The following RPGRIP1L variants were observed in gnomAD, a reference collection of about 807,000 sequenced individuals.
The protein encoded by RPGRIP1L is RPGRIP1 like.
A neutral mutation model predicts 160.4 loss-of-function variants in RPGRIP1L; 131 were observed. That is an observed-to-expected ratio of 0.82 (90% confidence interval 0.71 to 0.94). RPGRIP1L has a LOEUF of 0.94. RPGRIP1L is among the 40% of genes least tolerant of loss of function. The pLI is 0.00. For missense variants in RPGRIP1L, 1,522 were observed against 1,535.8 expected, an observed-to-expected ratio of 0.99 and a Z score of 0.15; for synonymous variants, 510 against 515.8, an observed-to-expected ratio of 0.99 and a Z score of 0.15.
chr16:53,604,608 A>G (rs1963559902), intron 26 of RPGRIP1L, among the ~76,000 whole-genome samples: 1 of 152,248 alleles, frequency 6.6e-6, no homozygotes, highest in Non-Finnish European at 1.5e-5. Flanking sequence ...TTAAAAATCC[A>G]GGACAGCACA....
intron 2 of RPGRIP1L, among the ~76,000 whole-genome samples, chr16:53,698,330 C>T (rs571020113): frequency 2.5e-3 from 307 of 121,572 alleles, no homozygotes; most frequent in Non-Finnish European, 3.5e-3. Flanking sequence ...GGGGGTCAGC[C>T]CCCCGCCCGG....
rs746197640 is a variant in RPGRIP1L, at chr16:53,645,944, G to A, written c.2364C>T (p.Asn788=). The A allele has an allele frequency of 5.4e-5, 87 of 1,613,990 alleles. No individual in the cohort carries two copies. Among genetic ancestry groups the A allele is most frequent in the Non-Finnish European group, 5.8e-5 (69 of 1,179,998 alleles). Residue 788 remains asparagine, a synonymous_variant, in exon 17 of 27, where the codon AAC becomes AAT. Coordinates refer to ENST00000647211, the MANE Select transcript of RPGRIP1L (RefSeq NM_015272.5). ...TTATTGTAATGTGAAGTTCATTTAA[G>A]TTGCCATCTGTGGAATCTGTAGAAC... ...QLSSTDSTDG[N]LNELHITIRC...
intron 15 of RPGRIP1L, among the ~76,000 whole-genome samples, chr16:53,650,961 T>C (rs1053095982): frequency 1.3e-5 from 2 of 152,204 alleles, no homozygotes; most frequent in Non-Finnish European, 1.5e-5. Flanking sequence ...ATTTTATCTA[T>C]GCTCATGGCT....
chr16:53,698,144 A>G (rs1432950193), intron 2 of RPGRIP1L, among the ~76,000 whole-genome samples: 6 of 148,126 alleles, frequency 4.1e-5, no homozygotes, highest in African/African-American at 1.5e-4. Flanking sequence ...CCGTCTGAGA[A>G]GTGAGGAGCC....
intron 15 of RPGRIP1L, 70 bp from the exon 16 acceptor site, chr16:53,649,185 T>A: frequency 7.9e-7 from 1 of 1,270,438 alleles, no homozygotes; most frequent in Non-Finnish European, 1.1e-6. Flanking sequence ...TAAAAATACA[T>A]CAATGGCATT....
Position 53,602,081 on chromosome 16 carries a change from C to G in RPGRIP1L, c.3943G>C (p.Ala1315Pro), listed in dbSNP as rs779866112. The G allele has an allele frequency of 6.2e-7, 1 of 1,600,868 alleles. No homozygotes were observed. Among genetic ancestry groups the G allele is most frequent in the Non-Finnish European group, 8.6e-7 (1 of 1,168,406 alleles). The change falls in exon 27 of 27, where the codon GCT (alanine) becomes CCT (proline). Residue 1315 changes from alanine (A) to proline (P), a missense_variant. Ala to Pro is a conservative substitution (Grantham distance 27). Coordinates refer to ENST00000647211, the MANE Select transcript of RPGRIP1L (RefSeq NM_015272.5). The stretch of plus-strand genomic sequence containing the variant: ...TGCCTCTGGAGCATTTGCTTTCAAG[C>G]CTCCAAGTCATCTCTGTATTGCTTG... Reference protein sequence around the residue: ...VYKQYRDDLEA With the variant: ...VYKQYRDDLEP
intron 6 of RPGRIP1L, among the ~76,000 whole-genome samples, chr16:53,676,642 A>AT (rs202116292): frequency 6.6e-5 from 10 of 150,610 alleles, no homozygotes; most frequent in South Asian, 2.1e-4. Flanking sequence ...TTATTTATTT[A>AT]TTTTTTTTTG....
chr16:53,653,628 T>C (rs1014914523), intron 14 of RPGRIP1L: 1 of 152,378 alleles, frequency 6.6e-6, no homozygotes, highest in African/African-American at 2.4e-5. Context: ...CAATCTCCCA[T>C]TAGTGAACTC....
chr16:53,660,891 TAA>T (rs534819342), intron 10 of RPGRIP1L, among the ~76,000 whole-genome samples: 2,275 of 116,940 alleles, frequency 0.019, 52 homozygotes, highest in African/African-American at 0.065. Context: ...AGACTACATC[TAA>T]AAAAAAAAAA....
intron 17 of RPGRIP1L, among the ~76,000 whole-genome samples, chr16:53,641,893 A>G (rs929924692): frequency 2.0e-5 from 3 of 152,150 alleles, no homozygotes; most frequent in Non-Finnish European, 2.9e-5. Flanking sequence ...GCTTGTCTCT[A>G]AAGAAAAATA....
chr16:53,601,537 A>G lies in RPGRIP1L; in HGVS notation c.*539T>C, dbSNP rs1433086516. 6.4e-6 allele frequency: 1 copy of G among 156,430 alleles called. No individual in the cohort carries two copies. Among genetic ancestry groups the G allele is most frequent in the Non-Finnish European group, 1.4e-5 (1 of 70,256 alleles). The allele number at this position is 156,430 out of a possible 1,614,324, so 9.7% of individuals were successfully genotyped here. ...ATGCATACTGAGCTTTAATGTGCAT[A>G]AAATGGATATTAGCATTTTAAAGAG... is the stretch of plus-strand genomic sequence containing the variant. On this transcript the variant is annotated 3_prime_UTR_variant, in exon 27 of 27. Transcript: ENST00000647211.
intron 23 of RPGRIP1L, 109 bp from the exon 24 acceptor site, chr16:53,619,317 G>A (rs1255549266): frequency 1.1e-6 from 1 of 947,360 alleles, no homozygotes; most frequent in African/African-American, 1.6e-5. Flanking sequence ...AGGCCAATGG[G>A]CTTCTTTTCT....
At chr16:53,624,760 TC>T (rs1964968757) in intron 22 of RPGRIP1L, among the ~76,000 whole-genome samples, 1 of 75,614 alleles carries the variant, frequency 1.3e-5, no homozygotes, top group Non-Finnish European at 2.6e-5. Context: ...TCCCTCCCCC[TC>T]CCCCTCCCCC....
rs990835777 is a variant in RPGRIP1L at position 53,695,466 on chromosome 16, A to G, written c.230+685T>C. ...CTCACCTTTTCTTTGAACCTAGAAC[A>G]TAAATATGAATACAGACCTGCTCAT... On this transcript the variant is annotated intron_variant, in intron 3 of 26. Coordinates refer to ENST00000647211, the MANE Select transcript of RPGRIP1L (RefSeq NM_015272.5). 1.4e-5 allele frequency: 10 copies of G among 702,684 alleles called. No homozygotes were observed. The highest frequency in any genetic ancestry group is 7.0e-5 in the African/African-American group (4 of 57,264). 43.5% of individuals were successfully genotyped at this position (702,684 alleles called of 1,614,324 possible). A position where few individuals can be genotyped will look rare whatever the true frequency, so the allele number is the denominator to read the frequency against.
At chr16:53,700,808 C>A in intron 1 of RPGRIP1L, 78 bp from the exon 2 acceptor site, 9 of 1,093,960 alleles carry the variant, frequency 8.2e-6, no homozygotes, top group Admixed American at 2.0e-5. Context: ...CCAAATAAAA[C>A]GAAAAAGGGA....
At chr16:53,648,622 GCGCGCACACA>G (rs1193522359) in intron 16 of RPGRIP1L, among the ~76,000 whole-genome samples, 4 of 102,220 alleles carry the variant, frequency 3.9e-5, no homozygotes, top group South Asian at 3.0e-4. Context: ...GTGCGCGCGC[GCGCGCACACA>G]CACACACACA....
intron 2 of RPGRIP1L, among the ~76,000 whole-genome samples, chr16:53,697,984 C>T (rs1337464804): frequency 6.6e-6 from 1 of 150,546 alleles, no homozygotes; most frequent in African/African-American, 2.5e-5. Context: ...CGCCCATCGT[C>T]TGAGATGTGG....
chr16:53,680,386 T>C (rs1456436179), intron 6 of RPGRIP1L, among the ~76,000 whole-genome samples: 2 of 151,748 alleles, frequency 1.3e-5, no homozygotes, highest in Non-Finnish European at 2.9e-5. Flanking sequence ...AATTAGGGGG[T>C]TGGGCAATCA....
chr16:53,637,654 C>G (rs960755569), intron 21 of RPGRIP1L, 41 bp downstream of exon 21: 1 of 1,575,338 alleles, frequency 6.3e-7, no homozygotes, highest in African/African-American at 1.3e-5. Flanking sequence ...AAACAAAGCA[C>G]AGGGTTAACT....
Sources: gnomAD v4.1 joint callset for allele counts (sites outside exome capture counted in the v4.1 genomes callset) on GRCh38, gnomAD v4.1.1 for gene constraint, MANE v1.5 for transcripts, NCBI Gene and HGNC (gene_info 2026-07-23, HGNC 2026-07-21) for gene names.